The following PNPLA7 variants were observed in gnomAD, a reference collection of about 807,000 sequenced individuals.
PNPLA7 encodes the protein patatin-like phospholipase domain-containing protein 7.
Under a neutral mutation model 161.7 loss-of-function variants are expected in PNPLA7, and 153 were observed. That is an observed-to-expected ratio of 0.95 (90% CI 0.83 to 1.08). The LOEUF is 1.08. Among genes scored for constraint, PNPLA7 ranks in the 50% least tolerant of loss-of-function variants. The pLI is 0.00. For synonymous variants in PNPLA7, 809 were observed against 782.1 expected (o/e 1.03, Z -0.57); for missense variants, 1,739 against 1,856.6 (o/e 0.94, Z 1.16).
chr9:137,463,392 G>A lies in PNPLA7; in HGVS notation c.3343+23C>T, dbSNP rs746281631. 4.2e-5 allele frequency: 66 copies of A among 1,577,260 alleles called. 1 individual carries two copies. The highest frequency in any genetic ancestry group is 1.3e-4 in the South Asian group (11 of 87,662). On this transcript the variant is annotated intron_variant, in intron 29 of 34. Transcript: ENST00000406427. Reference sequence around the variant, plus strand: ...ACCCAGGAGCCTGTGCTCCTGCCGGGCGTGGTCCCCCCACCGCAGTACCTG... The same window carrying A: ...ACCCAGGAGCCTGTGCTCCTGCCGGACGTGGTCCCCCCACCGCAGTACCTG...
chr9:137,462,939 C>T (rs907420274), intron 29 of PNPLA7, 106 bp from the exon 30 acceptor site: 2 of 1,460,674 alleles, frequency 1.4e-6, no homozygotes, highest in African/African-American at 2.8e-5. Flanking sequence ...GTGGGGTCTC[C>T]TCTCCGCCAT....
intron 12 of PNPLA7, among the ~76,000 whole-genome samples, chr9:137,514,957 T>C (rs577487093): frequency 7.8e-4 from 118 of 152,190 alleles, no homozygotes; most frequent in African/African-American, 2.6e-3. Flanking sequence ...GAGGTTTTGC[T>C]ACACATCAGT....
rs182615454 is a variant in PNPLA7, at chr9:137,492,258, G to A, written c.2197+755C>T. 863 of 985,172 alleles carry A rather than the reference G, an allele frequency of 8.8e-4. 8 individuals are homozygous for A. The African/African-American group carries it at 0.014, about 16-fold the overall frequency. The allele number at this position is 985,172 out of a possible 1,614,324, so 61.0% of individuals were successfully genotyped here. A position where few individuals can be genotyped will look rare whatever the true frequency, so the allele number is the denominator to read the frequency against. ...CATTATCTTTCCATGCTGAGCACAG[G>A]AGAGAGAGCACTCTCCGCTCCACCA... On this transcript the variant is annotated intron_variant, in intron 20 of 34. Transcript: ENST00000406427.
rs754588189 is a variant in PNPLA7, at chr9:137,542,814, G to A, written c.507-13C>T. On this transcript the variant is annotated splice_polypyrimidine_tract_variant and intron_variant, in intron 6 of 34. Coordinates refer to ENST00000406427, the MANE Select transcript of PNPLA7 (RefSeq NM_001098537.3). ...GTGGCCCAGGACCCTGCAAGAGCCA[G>A]AGGGCACTGTGGGACGCCCTTCCAG... 1 of 1,605,368 alleles carries A rather than the reference G, an allele frequency of 6.2e-7. No individual in the cohort carries two copies. The highest frequency in any genetic ancestry group is 2.2e-5 in the East Asian group (1 of 44,650).
rs1355906419 is a variant in PNPLA7 at position 137,523,847 on chromosome 9, GTCTCGA to G, written c.748-996_748-991del. Among the ~76,000 whole-genome samples the G allele has an allele frequency of 6.6e-6, 1 of 152,112 alleles. No individual in the cohort carries two copies. The highest frequency in any genetic ancestry group is 1.9e-4 in the East Asian group (1 of 5,156). On this transcript the variant is annotated intron_variant, in intron 8 of 34. Coordinates refer to ENST00000406427, the MANE Select transcript of PNPLA7 (RefSeq NM_001098537.3). This position sits in a 1 kb window ranked among gnomAD's most constrained non-coding sequence, Gnocchi z 4.4. ...GGGTTTCACTGTGTTAGCCAGGAGGGTCTCGATCTCCTGACCTCGTGATCCGCCCAC... is the reference window on the plus strand; with the variant it reads ...GGGTTTCACTGTGTTAGCCAGGAGGGTCTCCTGACCTCGTGATCCGCCCAC...
chr9:137,499,263 T>C lies in PNPLA7; in HGVS notation c.1758-1018A>G, dbSNP rs375640129. On this transcript the variant is annotated intron_variant, in intron 16 of 34. Coordinates refer to ENST00000406427, the MANE Select transcript of PNPLA7 (RefSeq NM_001098537.3). The surrounding 1 kb of genome is among the most constrained non-coding windows in gnomAD (Gnocchi z 5.5). ...ACACACAGACACAAGGAGACACACATGGACACATGTAGACACAGAGACAGA... is the reference window on the plus strand; with the variant it reads ...ACACACAGACACAAGGAGACACACACGGACACATGTAGACACAGAGACAGA... Among the ~76,000 whole-genome samples the C allele has an allele frequency of 5.0e-5, 7 of 139,734 alleles. No individual in the cohort carries two copies. The East Asian group carries it at 6.3e-4, about 13-fold the overall frequency. 91.7% of individuals were successfully genotyped at this position (139,734 alleles called of 152,430 possible).
At chr9:137,545,179 G>C (rs1041913140) in intron 4 of PNPLA7, among the ~76,000 whole-genome samples, 1 of 152,114 alleles carries the variant, frequency 6.6e-6, no homozygotes, top group East Asian at 1.9e-4. Flanking sequence ...TCCCCAGATC[G>C]GGGCTTGTGA....
intron 20 of PNPLA7, among the ~76,000 whole-genome samples, chr9:137,491,163 G>A (rs1028446806): frequency 3.9e-5 from 6 of 151,944 alleles, no homozygotes; most frequent in East Asian, 3.9e-4. Context: ...GGAGGCTGAG[G>A]GGGGGGGAAT....
intron 24 of PNPLA7, 135 bp from the exon 25 acceptor site, chr9:137,478,287 G>T: frequency 1.6e-6 from 1 of 614,654 alleles, no homozygotes; most frequent in South Asian, 6.8e-5. Flanking sequence ...GCATGCAGCA[G>T]GCCCTGCCTG....
intron 8 of PNPLA7, among the ~76,000 whole-genome samples, chr9:137,527,385 G>C (rs1267707450): frequency 6.6e-6 from 1 of 151,980 alleles, no homozygotes; most frequent in Admixed American, 6.6e-5. Context: ...CACGATGTTT[G>C]CTTTCATTTT....
intron 25 of PNPLA7, among the ~76,000 whole-genome samples, chr9:137,474,875 A>G (rs1048069652): frequency 4.0e-5 from 6 of 150,176 alleles, no homozygotes; most frequent in Non-Finnish European, 8.9e-5. Context: ...AAAAAAAATT[A>G]GCTGGGCGTG....
At position 137,461,511 on chromosome 9, in the gene PNPLA7, G is replaced by A. The variant is rs778333761; in HGVS notation, c.3841+25C>T. On this transcript the variant is annotated intron_variant, in intron 33 of 34. Coordinates refer to ENST00000406427, the MANE Select transcript of PNPLA7 (RefSeq NM_001098537.3). ...ATCAGGAGGTCACGCACGTCTCCAC[G>A]GCTTCGTCTTGCGCCTCCACTCACC... is the stretch of plus-strand genomic sequence containing the variant. 18 of 1,600,262 alleles carry A rather than the reference G, an allele frequency of 1.1e-5. No individual in the cohort carries two copies. The Admixed American group carries it at 1.5e-4, about 13-fold the overall frequency.
At chr9:137,513,948 G>A (rs1424538518) in intron 12 of PNPLA7, among the ~76,000 whole-genome samples, 2 of 152,286 alleles carry the variant, frequency 1.3e-5, no homozygotes, top group African/African-American at 4.8e-5. Flanking sequence ...ACCTGCGGGT[G>A]GCAGACGGCA....
chr9:137,497,458 ATTTT>A, intron 17 of PNPLA7, 148 bp from the exon 18 acceptor site: 1 of 740,904 alleles, frequency 1.3e-6, no homozygotes, highest in Non-Finnish European at 1.9e-6. Flanking sequence ...CATATTTTTT[ATTTT>A]AAAATATTTA....
chr9:137,501,427 G>A (rs1031795259), intron 15 of PNPLA7, among the ~76,000 whole-genome samples: 7 of 152,222 alleles, frequency 4.6e-5, no homozygotes, highest in African/African-American at 1.7e-4. Flanking sequence ...TCTCAGGTGC[G>A]AGCAGAAGGG....
chr9:137,480,948 G>A lies in PNPLA7; in HGVS notation c.2411+12C>T, dbSNP rs1049990983. 15 of 1,551,166 alleles carry A rather than the reference G, an allele frequency of 9.7e-6. No individual in the cohort carries two copies. The highest frequency in any genetic ancestry group is 1.3e-5 in the Non-Finnish European group (15 of 1,146,856). The stretch of plus-strand genomic sequence containing the variant: ...CGGCTGGGAGGAAGGAGTCGGGGCT[G>A]GCGGCACGCACCTGTCCAGGGCAGC... On this transcript the variant is annotated intron_variant, in intron 22 of 34. Transcript: ENST00000406427.
chr9:137,500,767 C>G lies in PNPLA7; in HGVS notation c.1681G>C (p.Gly561Arg). The G allele has an allele frequency of 1.9e-6, 3 of 1,612,202 alleles. No individual in the cohort carries two copies. The highest frequency in any genetic ancestry group is 1.7e-6 in the Non-Finnish European group (2 of 1,179,812). The change falls in exon 16 of 35, where the codon GGG becomes CGG. Residue 561 changes from glycine to arginine, a missense_variant. By Grantham distance (125) the Gly-to-Arg change is moderately radical. This residue lies in a region of PNPLA7 where 481 missense variants were observed against 450.0 expected (regional missense o/e 1.07). Transcript: ENST00000406427. This position sits in a 1 kb window ranked among gnomAD's most constrained non-coding sequence, Gnocchi z 5.5. ...TTGACGGTGAAGATGAGAGGCTCCC[C>G]GGTGAGCACGGCCAGCTGGCCCACC... ...EMVGQLAVLTGEPLIFTVKAN... is the reference protein window; with the variant it reads ...EMVGQLAVLTREPLIFTVKAN...
intron 19 of PNPLA7, among the ~76,000 whole-genome samples, chr9:137,494,542 C>T (rs1832934585): frequency 6.6e-6 from 1 of 152,158 alleles, no homozygotes; most frequent in Non-Finnish European, 1.5e-5. Flanking sequence ...ACCCGCACCA[C>T]CCTCACCCGC....
chr9:137,488,102 G>A lies in PNPLA7; in HGVS notation c.2198-3366C>T, dbSNP rs557059550. On this transcript the variant is annotated intron_variant, in intron 20 of 34. Transcript: ENST00000406427. ...GCTGAGCACAGAAAGACGGAGAACC[G>A]CCTCCTCATCCTGAGCTTCGGCCTG... Among the ~76,000 whole-genome samples, 148 of 152,334 alleles carry A rather than the reference G, an allele frequency of 9.7e-4. 1 individual carries two copies. Among genetic ancestry groups the A allele is most frequent in the African/African-American group, 3.2e-3 (133 of 41,584 alleles).
Sources: allele counts gnomAD v4.1 joint callset (sites outside exome capture counted in the v4.1 genomes callset), GRCh38; gene constraint gnomAD v4.1.1; regional missense constraint gnomAD v4.1.1; non-coding constraint Gnocchi (gnomAD v3.1); transcripts MANE v1.5; gene names NCBI Gene and HGNC (gene_info 2026-07-23, HGNC 2026-07-21).